LRP1B: variants seen among roughly 807,000 people sequenced by gnomAD.
LRP1B encodes LDL receptor related protein 1B, also known as low-density lipoprotein receptor-related protein 1B.
A neutral mutation model predicts 556.6 loss-of-function variants in LRP1B; 217 were observed. The observed-to-expected ratio is 0.39, with a 90% confidence interval of 0.35 to 0.44. LRP1B has a LOEUF of 0.44. LRP1B is among the 20% of genes least tolerant of loss of function. The pLI, the probability that LRP1B is intolerant of heterozygous loss-of-function variation, is 1.00. For synonymous variants in LRP1B, 2,047 were observed against 1,865.8 expected (o/e 1.10, Z -2.50); for missense variants, 5,053 against 5,620.8 (o/e 0.90, Z 3.23).
chr2:140,421,199 G>A (rs1344022256), intron 66 of LRP1B, among the ~76,000 whole-genome samples: 1 of 152,070 alleles, frequency 6.6e-6, no homozygotes, highest in African/African-American at 2.4e-5. Flanking sequence ...AGACTGCAGT[G>A]AGCCAAGATT....
intron 3 of LRP1B, among the ~76,000 whole-genome samples, chr2:141,469,096 C>T (rs1682356550): frequency 1.3e-5 from 2 of 152,148 alleles, no homozygotes; most frequent in Non-Finnish European, 1.5e-5. Flanking sequence ...TCAGCTAATG[C>T]AAATAAATCT....
chr2:141,031,248 A>G (rs1262234748), intron 11 of LRP1B, among the ~76,000 whole-genome samples: 3 of 110,030 alleles, frequency 2.7e-5, no homozygotes, highest in African/African-American at 1.0e-4. Context: ...GCATATATAC[A>G]TATCACACAC....
intron 3 of LRP1B, among the ~76,000 whole-genome samples, chr2:141,307,543 T>C (rs1214808091): frequency 1.3e-5 from 2 of 152,136 alleles, no homozygotes; most frequent in Non-Finnish European, 2.9e-5. Flanking sequence ...AGTTGAGTCA[T>C]GTTTTTTTAT....
intron 2 of LRP1B, among the ~76,000 whole-genome samples, chr2:141,521,074 T>G (rs958527477): frequency 6.6e-6 from 1 of 152,072 alleles, no homozygotes; most frequent in African/African-American, 2.4e-5. Flanking sequence ...TCAACCTTAA[T>G]AGAAAAATAC....
chr2:140,729,149 A>G (rs191684187), intron 35 of LRP1B, among the ~76,000 whole-genome samples: 1 of 152,250 alleles, frequency 6.6e-6, no homozygotes, highest in Non-Finnish European at 1.5e-5. Context: ...ATCTAATTTT[A>G]ATTTACCTCA....
At chr2:141,669,055 A>C (rs562908229) in intron 2 of LRP1B, among the ~76,000 whole-genome samples, 1 of 152,218 alleles carries the variant, frequency 6.6e-6, no homozygotes, top group South Asian at 2.1e-4. Context: ...GTTCTCCCAA[A>C]ATTCATATAT....
chr2:140,750,672 T>C (rs908406389), intron 35 of LRP1B, among the ~76,000 whole-genome samples: 1 of 152,188 alleles, frequency 6.6e-6, no homozygotes, highest in African/African-American at 2.4e-5. Flanking sequence ...CAAGGGCATA[T>C]CATTTATCAG....
At chr2:142,070,908 C>A (rs1317394446) in intron 1 of LRP1B, among the ~76,000 whole-genome samples, 1 of 151,958 alleles carries the variant, frequency 6.6e-6, no homozygotes, top group African/African-American at 2.4e-5. Flanking sequence ...CCCAAACTCT[C>A]AACTCATGCC....
At chr2:141,871,856 T>C (rs1454451364) in intron 1 of LRP1B, among the ~76,000 whole-genome samples, 1 of 151,914 alleles carries the variant, frequency 6.6e-6, no homozygotes, top group African/African-American at 2.4e-5. Context: ...CCTCAACCTA[T>C]AGTTACAAAT....
chr2:140,299,231 C>T (rs1157750911), intron 83 of LRP1B, among the ~76,000 whole-genome samples: 1 of 151,966 alleles, frequency 6.6e-6, no homozygotes, highest in Non-Finnish European at 1.5e-5. Flanking sequence ...GAGAAACATT[C>T]CTCAGTGAAT....
chr2:140,517,213 A>G (rs1333671238), intron 49 of LRP1B, among the ~76,000 whole-genome samples: 2 of 152,208 alleles, frequency 1.3e-5, no homozygotes, highest in Non-Finnish European at 2.9e-5. Flanking sequence ...CCCATGAGAC[A>G]TGATAATCAA....
chr2:140,994,176 T>C, intron 15 of LRP1B, 41 bp from the exon 16 acceptor site: 1 of 1,412,598 alleles, frequency 7.1e-7, no homozygotes, highest in Non-Finnish European at 9.9e-7. Context: ...TAATGCTAGC[T>C]ACAGTCAGTC....
At chr2:141,477,373 T>C (rs1242232151) in intron 3 of LRP1B, among the ~76,000 whole-genome samples, 2 of 152,148 alleles carry the variant, frequency 1.3e-5, no homozygotes, top group African/African-American at 4.8e-5. Context: ...ATTTATTTTC[T>C]GTCTATAGTG....
chr2:141,210,185 C>T (rs1055750377), intron 6 of LRP1B, among the ~76,000 whole-genome samples: 1 of 151,086 alleles, frequency 6.6e-6, no homozygotes, highest in Middle Eastern at 3.2e-3. Context: ...GATAAGTTTC[C>T]AATATCCCAG....
At chr2:141,131,653 G>A (rs115131260) in intron 7 of LRP1B, among the ~76,000 whole-genome samples, 1,597 of 149,686 alleles carry the variant, frequency 0.011, 13 homozygotes, top group Non-Finnish European at 0.017. Context: ...TCTGAGGTGG[G>A]CTGCTATTCT....
chr2:141,464,606 A>ATATATATTT, intron 3 of LRP1B, among the ~76,000 whole-genome samples: 4 of 90,544 alleles, frequency 4.4e-5, no homozygotes, highest in Admixed American at 1.2e-4. Context: ...ATATATATAT[A>ATATATATTT]TTTTTTTAGT....
intron 2 of LRP1B, among the ~76,000 whole-genome samples, chr2:141,711,614 A>AT (rs1368905095): frequency 6.6e-6 from 1 of 152,196 alleles, no homozygotes; most frequent in Non-Finnish European, 1.5e-5. Flanking sequence ...AATACCCCTG[A>AT]TGCTTTAAAA....
intron 32 of LRP1B, among the ~76,000 whole-genome samples, chr2:140,801,677 G>A (rs532469769): frequency 1.4e-3 from 206 of 151,782 alleles, no homozygotes; most frequent in African/African-American, 4.5e-3. Flanking sequence ...TCTTTATAAG[G>A]TGAAACTAAT....
intron 32 of LRP1B, among the ~76,000 whole-genome samples, chr2:140,793,350 C>T (rs1690187974): frequency 6.6e-6 from 1 of 151,916 alleles, no homozygotes; most frequent in African/African-American, 2.4e-5. Flanking sequence ...TACAAACTAG[C>T]ACTTTAATCT....
Sources: gnomAD v4.1 joint callset for allele counts (sites outside exome capture counted in the v4.1 genomes callset) on GRCh38, gnomAD v4.1.1 for gene constraint, MANE v1.5 for transcripts, NCBI Gene and HGNC (gene_info 2026-07-23, HGNC 2026-07-21) for gene names.